PCDHGA8: variants seen among roughly 807,000 people sequenced by gnomAD.
PCDHGA8 encodes the protein protocadherin gamma subfamily A, 8, also known as protocadherin gamma-A8.
A neutral mutation model predicts 59.2 loss-of-function variants in PCDHGA8; 45 were observed. That is an observed-to-expected ratio of 0.76 (90% CI 0.60 to 0.98). The LOEUF (loss-of-function observed/expected upper bound fraction) is 0.98. Ranked by LOEUF, PCDHGA8 falls within the 50% of genes least tolerant of loss-of-function variation. PCDHGA8 has a pLI of 0.00. For synonymous variants in PCDHGA8, 531 were observed against 519.0 expected (o/e 1.02, Z -0.32); for missense variants, 1,257 against 1,196.2 (o/e 1.05, Z -0.75).
intron 3 of PCDHGA8, among the ~76,000 whole-genome samples, chr5:141,510,624 A>C (rs2099881973): frequency 6.6e-6 from 1 of 152,164 alleles, no homozygotes; most frequent in African/African-American, 2.4e-5. Flanking sequence ...TAAAACCAGA[A>C]GAGGTGGTTA....
rs1267722283 is a variant in PCDHGA8 at position 141,493,105 on chromosome 5, G to A, written c.2425-1702G>A. Reference sequence around the variant, plus strand: ...GAGCTTTTATTCAAAATATATCAATGCCTAACTCTGCTCCTAGGACTGTAT... The same window carrying A: ...GAGCTTTTATTCAAAATATATCAATACCTAACTCTGCTCCTAGGACTGTAT... On this transcript the variant is annotated intron_variant, in intron 1 of 3. Coordinates refer to ENST00000398604, the MANE Select transcript of PCDHGA8 (RefSeq NM_032088.2). This position sits in a 1 kb window ranked among gnomAD's most constrained non-coding sequence, Gnocchi z 4.3. Among the ~76,000 whole-genome samples, 1 of 152,076 alleles carries A rather than the reference G, an allele frequency of 6.6e-6. No homozygotes were observed. Among genetic ancestry groups the A allele is most frequent in the Non-Finnish European group, 1.5e-5 (1 of 67,994 alleles).
intron 1 of PCDHGA8, chr5:141,426,867 G>A (rs1436078091): frequency 4.4e-6 from 2 of 456,708 alleles, no homozygotes; most frequent in Non-Finnish European, 8.8e-6. Flanking sequence ...ATTAGTGCTG[G>A]AGAAGCCCCT....
At chr5:141,472,884 G>A (rs1426207609) in intron 1 of PCDHGA8, among the ~76,000 whole-genome samples, 2 of 151,610 alleles carry the variant, frequency 1.3e-5, no homozygotes, top group African/African-American at 4.8e-5. Flanking sequence ...TACTCGGGAG[G>A]CTGAGGCAGG....
intron 1 of PCDHGA8, chr5:141,408,218 G>A: frequency 6.4e-7 from 1 of 1,557,454 alleles, no homozygotes; most frequent in South Asian, 1.2e-5. Context: ...AGGGAGCTGC[G>A]CGCAGAGGCG....
chr5:141,466,754 C>G (rs1045917268), intron 1 of PCDHGA8, among the ~76,000 whole-genome samples: 2 of 152,138 alleles, frequency 1.3e-5, no homozygotes, highest in South Asian at 2.1e-4. Context: ...GATAGGGGCT[C>G]TTTTCAAACT....
chr5:141,501,288 T>TATACACATAC (rs201660636), intron 2 of PCDHGA8, among the ~76,000 whole-genome samples: 2 of 81,228 alleles, frequency 2.5e-5, no homozygotes, highest in African/African-American at 9.9e-5. Flanking sequence ...GATATTCCCT[T>TATACACATAC]ATACACACAC....
chr5:141,420,004 G>C (rs768411058), intron 1 of PCDHGA8: 4 of 1,614,084 alleles, frequency 2.5e-6, no homozygotes, highest in Non-Finnish European at 3.4e-6. Flanking sequence ...CTCTACGCCT[G>C]CGACAGTCTT....
rs757691247 is a variant in PCDHGA8 at position 141,399,920 on chromosome 5, C to T, written c.2424+4683C>T. On this transcript the variant is annotated intron_variant, in intron 1 of 3. Coordinates refer to ENST00000398604, the MANE Select transcript of PCDHGA8 (RefSeq NM_032088.2). ...GTGGACGCAGACTCAGGACACAACG[C>T]CTGGCTGTCCTACCACGTGCTGCAG... is the stretch of plus-strand genomic sequence containing the variant. 1.2e-5 allele frequency: 20 copies of T among 1,612,216 alleles called. No homozygotes were observed. The South Asian group carries it at 2.1e-4, about 17-fold the overall frequency.
chr5:141,435,733 T>C (rs950139563), intron 1 of PCDHGA8, among the ~76,000 whole-genome samples: 12 of 152,208 alleles, frequency 7.9e-5, no homozygotes, highest in African/African-American at 2.7e-4. Context: ...AGTGTATTAC[T>C]CTTTGAAAAG....
intron 1 of PCDHGA8, chr5:141,415,216 A>C: frequency 6.2e-7 from 1 of 1,614,086 alleles, no homozygotes; most frequent in African/African-American, 1.3e-5. Flanking sequence ...GGACCTCGGC[A>C]GCTTCGAGTC....
Position 141,489,407 on chromosome 5 carries a change from T to C in PCDHGA8, c.2425-5400T>C. On this transcript the variant is annotated intron_variant, in intron 1 of 3. Transcript: ENST00000398604. This position sits in a 1 kb window ranked among gnomAD's most constrained non-coding sequence, Gnocchi z 4.5. ...GTTGCTCAGGATCTGGGCTTAAAGA[T>C]GACAGATCTGTTGAGCCGGCGGCTG... 6.2e-7 allele frequency: 1 copy of C among 1,614,140 alleles called. No individual in the cohort carries two copies.
chr5:141,510,621 A>G (rs1317150967), intron 3 of PCDHGA8, among the ~76,000 whole-genome samples: 1 of 152,176 alleles, frequency 6.6e-6, no homozygotes, highest in Non-Finnish European at 1.5e-5. Flanking sequence ...CACTAAAACC[A>G]GAAGAGGTGG....
In PCDHGA8 at chr5:141,456,878, G is replaced by T. The variant is rs71583646; in HGVS notation, c.2425-37929G>T. On this transcript the variant is annotated intron_variant, in intron 1 of 3. Coordinates refer to ENST00000398604, the MANE Select transcript of PCDHGA8 (RefSeq NM_032088.2). ...ATTGGGAGGCTGAGGCAGGAGAATCGCTTGAACCCGGGAGGCAGAGGTTGC... is the reference window on the plus strand; with the variant it reads ...ATTGGGAGGCTGAGGCAGGAGAATCTCTTGAACCCGGGAGGCAGAGGTTGC... Among the ~76,000 whole-genome samples, 307 of 152,160 alleles carry T rather than the reference G, an allele frequency of 2.0e-3. 1 individual carries two copies. The highest frequency in any genetic ancestry group is 0.01 in the Middle Eastern group (3 of 294).
At chr5:141,457,677 T>C (rs1386991642) in intron 1 of PCDHGA8, among the ~76,000 whole-genome samples, 1 of 152,262 alleles carries the variant, frequency 6.6e-6, no homozygotes, top group Non-Finnish European at 1.5e-5. Flanking sequence ...TATTTCTACA[T>C]AGGACTTTTG....
At position 141,418,010 on chromosome 5, in the gene PCDHGA8, G is replaced by T. The variant is rs185303697; in HGVS notation, c.2424+22773G>T. Reference sequence around the variant, plus strand: ...CAAGGGCTCGGTGGTGGGGAACCTCGCTAAGGATCTAGGGCTTAGTGTCCT... The same window carrying T: ...CAAGGGCTCGGTGGTGGGGAACCTCTCTAAGGATCTAGGGCTTAGTGTCCT... On this transcript the variant is annotated intron_variant, in intron 1 of 3. Coordinates refer to ENST00000398604, the MANE Select transcript of PCDHGA8 (RefSeq NM_032088.2). 2.9e-5 allele frequency: 46 copies of T among 1,613,912 alleles called. No individual in the cohort carries two copies. The Middle Eastern group carries it at 5.0e-4, about 17-fold the overall frequency.
At chr5:141,414,143 T>C (rs887054185) in intron 1 of PCDHGA8, 1 of 1,597,122 alleles carries the variant, frequency 6.3e-7, no homozygotes, top group Non-Finnish European at 8.5e-7. Flanking sequence ...GAAATAGAAA[T>C]ACAAGCAGAA....
intron 1 of PCDHGA8, among the ~76,000 whole-genome samples, chr5:141,473,126 A>C (rs2154571574): frequency 6.6e-6 from 1 of 152,356 alleles, no homozygotes; most frequent in South Asian, 2.1e-4. Flanking sequence ...GCTCTTTGGC[A>C]AACTATATTA....
chr5:141,415,739 GGTTTTTT>G lies in PCDHGA8; in HGVS notation c.2424+20503_2424+20509del. 7.6e-5 allele frequency: 33 copies of G among 434,894 alleles called. No homozygotes were observed. In the African/African-American group the frequency reaches 8.5e-4, roughly 11 times the overall value. The allele number at this position is 434,894 out of a possible 1,614,324, so 26.9% of individuals were successfully genotyped here. A position where few individuals can be genotyped will look rare whatever the true frequency, so the allele number is the denominator to read the frequency against. On this transcript the variant is annotated intron_variant, in intron 1 of 3. Transcript: ENST00000398604. ...ATGAGTAGAATTTGATGTTTATTAA[GGTTTTTT>G]TTTTTTTTTTTTTTTTTTTTTTTTT...
chr5:141,474,566 G>A (rs2154572064), intron 1 of PCDHGA8, among the ~76,000 whole-genome samples: 1 of 152,336 alleles, frequency 6.6e-6, no homozygotes, highest in Non-Finnish European at 1.5e-5. Flanking sequence ...GGTTTTCAGA[G>A]ATTAATTGAA....
Sources: gnomAD v4.1 joint callset for allele counts (sites outside exome capture counted in the v4.1 genomes callset) on GRCh38, gnomAD v4.1.1 for gene constraint, Gnocchi (gnomAD v3.1) non-coding constraint, MANE v1.5 for transcripts, NCBI Gene and HGNC (gene_info 2026-07-23, HGNC 2026-07-21) for gene names.